The following SDK1 variants were observed in gnomAD, a reference collection of about 807,000 sequenced individuals.
SDK1 encodes protein sidekick-1.
In SDK1, 157 loss-of-function variants were observed where a neutral mutation model predicts 245.5. The ratio of observed to expected loss-of-function variants is 0.64; its 90% CI spans 0.56 to 0.73. The LOEUF is 0.73. Ranked by LOEUF, SDK1 falls within the 30% of genes least tolerant of loss-of-function variation. The probability of loss-of-function intolerance (pLI) is 0.00; values close to 1 mark genes in which losing one functional copy is unlikely to be tolerated. For synonymous variants in SDK1, 1,647 were observed against 1,278.5 expected (o/e 1.29, Z -6.15); for missense variants, 3,583 against 3,002.3 (o/e 1.19, Z -4.52).
chr7:4,169,153 G>A (rs567865165), intron 32 of SDK1, among the ~76,000 whole-genome samples: 2 of 152,344 alleles, frequency 1.3e-5, no homozygotes, highest in South Asian at 2.1e-4. Context: ...AAGGGCTCCT[G>A]TCAGTGCATT....
At chr7:4,023,450 A>C (rs1787091533) in intron 17 of SDK1, among the ~76,000 whole-genome samples, 1 of 152,208 alleles carries the variant, frequency 6.6e-6, no homozygotes, top group Non-Finnish European at 1.5e-5. Flanking sequence ...CTGAAACTCC[A>C]ACAGACTCAG....
At chr7:3,680,927 C>G (rs1784080054) in intron 4 of SDK1, among the ~76,000 whole-genome samples, 1 of 152,146 alleles carries the variant, frequency 6.6e-6, no homozygotes, top group Admixed American at 6.5e-5. Context: ...ACTGCAACCT[C>G]CACCTCCCGG....
At chr7:3,512,022 C>T (rs1190983956) in intron 1 of SDK1, among the ~76,000 whole-genome samples, 1 of 151,598 alleles carries the variant, frequency 6.6e-6, no homozygotes, top group Non-Finnish European at 1.5e-5. Context: ...ATTGTACATT[C>T]TCTGGGTGTG....
intron 14 of SDK1, among the ~76,000 whole-genome samples, chr7:3,988,729 A>C (rs937433990): frequency 6.6e-6 from 1 of 152,112 alleles, no homozygotes; most frequent in East Asian, 1.9e-4. Flanking sequence ...CATTACCTCC[A>C]CAAAGAAGCT....
intron 17 of SDK1, among the ~76,000 whole-genome samples, chr7:4,030,424 G>T (rs551090537): frequency 6.6e-6 from 1 of 152,204 alleles, no homozygotes; most frequent in African/African-American, 2.4e-5. Flanking sequence ...ACGAGTTGAC[G>T]TAAGGAGCAG....
rs1457076208 is a variant in SDK1, at chr7:4,089,686, TCA to T, written c.3324+10105_3324+10106del. On this transcript the variant is annotated intron_variant, in intron 22 of 44. Coordinates refer to ENST00000404826, the MANE Select transcript of SDK1 (RefSeq NM_152744.4). ...GGGGCTGCCTGACTCCTGGGCCAGC[TCA>T]CAGCCTGCAGCCAGTGGTTAAACAT... Among the ~76,000 whole-genome samples, 3 of 152,310 alleles carry T rather than the reference TCA, an allele frequency of 2.0e-5. No homozygotes were observed. In the East Asian group the frequency reaches 5.8e-4, roughly 29 times the overall value.
At chr7:3,551,766 C>G (rs1019812705) in intron 1 of SDK1, among the ~76,000 whole-genome samples, 1 of 152,078 alleles carries the variant, frequency 6.6e-6, no homozygotes, top group East Asian at 1.9e-4. Context: ...GCCTGAGACT[C>G]GTGGGTTCGA....
Position 4,208,095 on chromosome 7 carries a change from A to G in SDK1, c.5215-4A>G. On this transcript the variant is annotated splice_region_variant and splice_polypyrimidine_tract_variant and intron_variant, in intron 36 of 44. Coordinates refer to ENST00000404826, the MANE Select transcript of SDK1 (RefSeq NM_152744.4). ...CCACCCCAACCTCTTGCTGTTCCTA[A>G]CAGATTTACTACTGGGAGGCAGACA... 6.2e-7 allele frequency: 1 copy of G among 1,609,834 alleles called. No individual in the cohort carries two copies. The highest frequency in any genetic ancestry group is 8.5e-7 in the Non-Finnish European group (1 of 1,177,838).
At chr7:3,644,596 T>G (rs913136323) in intron 4 of SDK1, among the ~76,000 whole-genome samples, 7 of 150,516 alleles carry the variant, frequency 4.7e-5, no homozygotes, top group Admixed American at 4.0e-4. Flanking sequence ...AAACCTTATC[T>G]CTACTGAAAA....
chr7:3,970,137 A>G (rs925677505), intron 11 of SDK1, among the ~76,000 whole-genome samples: 4 of 152,200 alleles, frequency 2.6e-5, no homozygotes, highest in South Asian at 2.1e-4. Context: ...ACTACTAAAA[A>G]CTCATATTCA....
At chr7:3,383,487 G>A (rs746790718) in intron 1 of SDK1, among the ~76,000 whole-genome samples, 96 of 152,148 alleles carry the variant, frequency 6.3e-4, no homozygotes, top group Non-Finnish European at 1.3e-3. Context: ...ATGTGAAGCG[G>A]TTTTAGCCAT....
chr7:3,867,135 A>G (rs1056954300), intron 5 of SDK1, among the ~76,000 whole-genome samples: 3 of 152,210 alleles, frequency 2.0e-5, no homozygotes, highest in African/African-American at 7.2e-5. Context: ...TTAAGCTTCA[A>G]TCAAACACAG....
intron 4 of SDK1, among the ~76,000 whole-genome samples, chr7:3,748,443 A>G (rs1227619773): frequency 6.6e-6 from 1 of 152,224 alleles, no homozygotes; most frequent in Non-Finnish European, 1.5e-5. Context: ...AATAATACTG[A>G]AAAATATCCA....
chr7:3,608,049 A>G (rs1434562432), intron 1 of SDK1, among the ~76,000 whole-genome samples: 2 of 152,136 alleles, frequency 1.3e-5, no homozygotes, highest in African/African-American at 2.4e-5. Context: ...TCGTGAGAAA[A>G]CTTCTGGCAC....
intron 1 of SDK1, among the ~76,000 whole-genome samples, chr7:3,591,623 G>T (rs555264351): frequency 1.3e-5 from 2 of 152,226 alleles, no homozygotes; most frequent in East Asian, 1.9e-4. Context: ...TATCTTGGTA[G>T]ATTTGCAGTG....
At chr7:3,387,736 C>T (rs970371486) in intron 1 of SDK1, among the ~76,000 whole-genome samples, 1 of 152,100 alleles carries the variant, frequency 6.6e-6, no homozygotes, top group African/African-American at 2.4e-5. Context: ...TGTTACCTGT[C>T]TATTACCACA....
At chr7:3,432,507 A>G (rs945112066) in intron 1 of SDK1, among the ~76,000 whole-genome samples, 1 of 152,204 alleles carries the variant, frequency 6.6e-6, no homozygotes, top group Non-Finnish European at 1.5e-5. Flanking sequence ...GTAGGAAGAA[A>G]TAGTAGTTTG....
chr7:3,920,451 A>G (rs936726740), intron 5 of SDK1, among the ~76,000 whole-genome samples: 15 of 152,116 alleles, frequency 9.9e-5, no homozygotes, highest in African/African-American at 3.6e-4. Flanking sequence ...ACGGGGAGAA[A>G]GAGCCAGGGA....
intron 22 of SDK1, among the ~76,000 whole-genome samples, chr7:4,108,849 C>T (rs912720568): frequency 6.6e-6 from 1 of 152,194 alleles, no homozygotes; most frequent in South Asian, 2.1e-4. Flanking sequence ...CTCCCCATCC[C>T]CTGGCAACCA....
Sources: allele counts gnomAD v4.1 joint callset (sites outside exome capture counted in the v4.1 genomes callset), GRCh38; gene constraint gnomAD v4.1.1; transcripts MANE v1.5; gene names NCBI Gene and HGNC (gene_info 2026-07-23, HGNC 2026-07-21).